Variants in VPS13D observed in about 807,000 individuals in gnomAD.
VPS13D encodes vacuolar protein sorting 13 homolog D, also known as intermembrane lipid transfer protein VPS13D.
Under a neutral mutation model 461.9 loss-of-function variants are expected in VPS13D, and 187 were observed. The observed-to-expected ratio is 0.40, with a 90% CI of 0.36 to 0.46. The LOEUF (loss-of-function observed/expected upper bound fraction) is 0.46. VPS13D is among the 20% of genes least tolerant of loss of function. The pLI is 0.60. For missense variants in VPS13D, 4,711 were observed against 5,364.9 expected, an observed-to-expected ratio of 0.88 and a Z score of 3.81; for synonymous variants, 1,951 against 1,986.3, an observed-to-expected ratio of 0.98 and a Z score of 0.47.
At chr1:12,271,601 G>A (rs1049638237) in intron 17 of VPS13D, among the ~76,000 whole-genome samples, 3 of 152,040 alleles carry the variant, frequency 2.0e-5, no homozygotes, top group Admixed American at 6.6e-5. Flanking sequence ...CCTGGGAGGC[G>A]GAGGTTGCAG....
chr1:12,365,520 ATG>A lies in VPS13D; in HGVS notation c.10448+2274_10448+2275del, dbSNP rs548430421. Among the ~76,000 whole-genome samples, 644 of 152,264 alleles carry A rather than the reference ATG, an allele frequency of 4.2e-3. 3 individuals carry two copies. The highest frequency in any genetic ancestry group is 0.015 in the African/African-American group (620 of 41,550). ...GGAGTTCCAGACCAGTCTGACCAAC[ATG>A]GTGAAACCCCATGTCTACTGAAAAT... On this transcript the variant is annotated intron_variant, in intron 52 of 69. Transcript: ENST00000620676.
At chr1:12,311,427 G>T in intron 27 of VPS13D, 27 bp from the exon 28 acceptor site, 1 of 1,589,710 alleles carries the variant, frequency 6.3e-7, no homozygotes, top group South Asian at 1.1e-5. Flanking sequence ...ACTTGTCTGT[G>T]TAAGTGATCT....
intron 65 of VPS13D, among the ~76,000 whole-genome samples, chr1:12,450,014 A>G (rs559957006): frequency 6.6e-6 from 1 of 152,238 alleles, no homozygotes; most frequent in African/African-American, 2.4e-5. Context: ...AATCCCTGCT[A>G]CGGGAGGCTG....
chr1:12,280,051 G>C (rs1021888467), intron 20 of VPS13D, among the ~76,000 whole-genome samples: 2 of 151,992 alleles, frequency 1.3e-5, no homozygotes, highest in Non-Finnish European at 2.9e-5. Flanking sequence ...TTTCAACAGA[G>C]AATTAGTCCT....
intron 9 of VPS13D, among the ~76,000 whole-genome samples, chr1:12,257,505 A>G (rs1167519545): frequency 1.3e-5 from 2 of 152,242 alleles, no homozygotes; most frequent in African/African-American, 4.8e-5. Context: ...TTCATGTTGC[A>G]GTGATAAACT....
chr1:12,417,773 A>G (rs1644813910), intron 65 of VPS13D, among the ~76,000 whole-genome samples: 1 of 152,068 alleles, frequency 6.6e-6, no homozygotes, highest in Admixed American at 6.5e-5. Flanking sequence ...GAAAGCTGAG[A>G]ATTTATTCTT....
At chr1:12,317,955 A>T in intron 30 of VPS13D, 117 bp from the exon 31 acceptor site, 1 of 992,068 alleles carries the variant, frequency 1.0e-6, no homozygotes, top group Non-Finnish European at 1.5e-6. Context: ...TACTCAAAGC[A>T]GGCAGTTTGG....
chr1:12,469,277 A>G (rs1220183237), intron 67 of VPS13D, among the ~76,000 whole-genome samples: 2 of 152,200 alleles, frequency 1.3e-5, no homozygotes, highest in Non-Finnish European at 2.9e-5. Flanking sequence ...ATATTCATGT[A>G]CTTATATATG....
chr1:12,303,397 T>G (rs1045928273), intron 25 of VPS13D, among the ~76,000 whole-genome samples: 15 of 152,232 alleles, frequency 9.9e-5, no homozygotes, highest in African/African-American at 3.4e-4. Context: ...CTCAAGCCAC[T>G]GATTTATTTA....
At position 12,495,149 on chromosome 1, in the gene VPS13D, CTTTTTTT is replaced by C. The variant is rs768628311; in HGVS notation, c.12663-2339_12663-2333del. Among the ~76,000 whole-genome samples, 5 of 138,708 alleles carry C rather than the reference CTTTTTTT, an allele frequency of 3.6e-5. No homozygotes were observed. In the East Asian group the frequency reaches 1.0e-3, roughly 28 times the overall value. 91.0% of individuals were successfully genotyped at this position (138,708 alleles called of 152,430 possible). On this transcript the variant is annotated intron_variant, in intron 67 of 69. Coordinates refer to ENST00000620676, the MANE Select transcript of VPS13D (RefSeq NM_015378.4). This position sits in a 1 kb window ranked among gnomAD's most constrained non-coding sequence, Gnocchi z 4.0. Reference sequence around the variant, plus strand: ...AGATGACTGACTTGATGTAACTTACCTTTTTTTTTTTTTTTTTTGAGACAGAGTCTTG... The same window carrying C: ...AGATGACTGACTTGATGTAACTTACCTTTTTTTTTTTGAGACAGAGTCTTG...
chr1:12,400,956 G>A (rs1278074599), intron 61 of VPS13D, among the ~76,000 whole-genome samples: 2 of 38,866 alleles, frequency 5.1e-5, no homozygotes, highest in Non-Finnish European at 1.3e-4. Context: ...GTGCACCTGC[G>A]CGCGCGCACA....
At chr1:12,311,314 G>C in intron 27 of VPS13D, 140 bp from the exon 28 acceptor site, 1 of 682,552 alleles carries the variant, frequency 1.5e-6, no homozygotes, top group Admixed American at 3.4e-5. Context: ...GGAGCTACAT[G>C]AAATTTTTGT....
chr1:12,460,432 C>T (rs773628026), intron 67 of VPS13D, 36 bp downstream of exon 67: 1 of 1,511,168 alleles, frequency 6.6e-7, no homozygotes, highest in East Asian at 2.4e-5. Flanking sequence ...TTGCAGTTTC[C>T]AGCCTAGGTC....
intron 52 of VPS13D, among the ~76,000 whole-genome samples, chr1:12,368,176 C>T (rs1644065487): frequency 6.6e-6 from 1 of 152,144 alleles, no homozygotes; most frequent in South Asian, 2.1e-4. Flanking sequence ...TGTATATATA[C>T]ACACACACAT....
intron 44 of VPS13D, among the ~76,000 whole-genome samples, chr1:12,348,397 C>G (rs1397034715): frequency 6.6e-6 from 1 of 152,154 alleles, no homozygotes; most frequent in African/African-American, 2.4e-5. Context: ...AGAAGACAAG[C>G]CTTTTTCAGT....
intron 60 of VPS13D, among the ~76,000 whole-genome samples, chr1:12,388,394 G>A (rs1192599451): frequency 2.0e-5 from 3 of 152,032 alleles, no homozygotes; most frequent in African/African-American, 7.2e-5. Flanking sequence ...GGCCAACGTG[G>A]TGAAACCCCA....
At chr1:12,455,507 C>T (rs1273211276) in intron 65 of VPS13D, among the ~76,000 whole-genome samples, 1 of 152,190 alleles carries the variant, frequency 6.6e-6, no homozygotes, top group Non-Finnish European at 1.5e-5. Flanking sequence ...CTTTGCAAAG[C>T]CTAGTGTCCT....
chr1:12,242,359 G>C (rs536888000), intron 2 of VPS13D, among the ~76,000 whole-genome samples, 154 bp from the exon 3 acceptor site: 4 of 152,302 alleles, frequency 2.6e-5, no homozygotes, highest in Non-Finnish European at 5.9e-5. Context: ...ACATGATGTA[G>C]CCCGTTCTAG....
chr1:12,285,680 A>G (rs1641945424), intron 21 of VPS13D, among the ~76,000 whole-genome samples: 1 of 152,196 alleles, frequency 6.6e-6, no homozygotes, highest in Non-Finnish European at 1.5e-5. Flanking sequence ...ACATACCACA[A>G]TGCATTGTCA....
Sources: gnomAD v4.1 joint callset for allele counts (sites outside exome capture counted in the v4.1 genomes callset) on GRCh38, gnomAD v4.1.1 for gene constraint, Gnocchi (gnomAD v3.1) non-coding constraint, MANE v1.5 for transcripts, NCBI Gene and HGNC (gene_info 2026-07-23, HGNC 2026-07-21) for gene names.